The following BIRC3 variants were observed in gnomAD, a reference collection of about 807,000 sequenced individuals.
BIRC3 encodes baculoviral IAP repeat-containing protein 3.
A neutral mutation model predicts 59.0 loss-of-function variants in BIRC3; 26 were observed. That is an observed-to-expected ratio of 0.44 (90% CI 0.32 to 0.61). BIRC3 has a LOEUF of 0.61. Ranked by LOEUF, BIRC3 falls within the 20% of genes least tolerant of loss-of-function variation. The pLI is 0.04. For missense variants in BIRC3, 641 were observed against 711.5 expected, an observed-to-expected ratio of 0.90 and a Z score of 1.13; for synonymous variants, 243 against 249.2, an observed-to-expected ratio of 0.98 and a Z score of 0.24.
chr11:102,331,834 T>A (rs572488349), intron 6 of BIRC3, among the ~76,000 whole-genome samples: 2 of 152,182 alleles, frequency 1.3e-5, no homozygotes, highest in South Asian at 4.1e-4. Flanking sequence ...AGAGAAGGGA[T>A]TTCTCCATGT....
rs967712373 is a variant in BIRC3, at chr11:102,337,503, G to T, written c.*401G>T. On this transcript the variant is annotated 3_prime_UTR_variant, in exon 9 of 9. Transcript: ENST00000263464. ...CCTGTAGTCCCAGGCTGAGGCAAGA[G>T]AATTACTTGAGCCCAGGAGTTTGAA... is the stretch of plus-strand genomic sequence containing the variant. 2.5e-6 allele frequency: 1 copy of T among 393,620 alleles called. No individual in the cohort carries two copies. The highest frequency in any genetic ancestry group is 4.5e-6 in the Non-Finnish European group (1 of 223,062). The allele number at this position is 393,620 out of a possible 1,614,324, so 24.4% of individuals were successfully genotyped here. A position where few individuals can be genotyped will look rare whatever the true frequency, so the allele number is the denominator to read the frequency against.
chr11:102,318,659 C>T (rs1368439674), intron 1 of BIRC3, among the ~76,000 whole-genome samples: 2 of 152,132 alleles, frequency 1.3e-5, no homozygotes, highest in Non-Finnish European at 2.9e-5. Context: ...TGCCCAACAG[C>T]CCTGGGACTG....
intron 6 of BIRC3, among the ~76,000 whole-genome samples, 198 bp downstream of exon 6, chr11:102,331,439 G>C (rs17769668): frequency 0.038 from 5,784 of 152,116 alleles, 158 homozygotes; most frequent in Non-Finnish European, 0.061. Context: ...AGTCAAAAAT[G>C]TATGATGTAC....
chr11:102,335,918 T>C (rs1951190642), intron 6 of BIRC3, 48 bp from the exon 7 acceptor site: 1 of 1,552,032 alleles, frequency 6.4e-7, no homozygotes, highest in Non-Finnish European at 8.7e-7. Flanking sequence ...GAAGGAAGTT[T>C]GTGAGCAGAG....
chr11:102,337,258 T>C lies in BIRC3; in HGVS notation c.*156T>C. The stretch of plus-strand genomic sequence containing the variant: ...CATATTTATATATGTATCTAAACCA[T>C]ATGAACATATATTTTTTAGAAACTA... On this transcript the variant is annotated 3_prime_UTR_variant, in exon 9 of 9. Transcript: ENST00000263464. 2.1e-6 allele frequency: 1 copy of C among 479,762 alleles called. No individual in the cohort carries two copies. Among genetic ancestry groups the C allele is most frequent in the Non-Finnish European group, 3.4e-6 (1 of 297,452 alleles). The allele number at this position is 479,762 out of a possible 1,614,324, so 29.7% of individuals were successfully genotyped here.
At chr11:102,328,444 A>G (rs1379920120) in intron 4 of BIRC3, among the ~76,000 whole-genome samples, 2 of 152,124 alleles carry the variant, frequency 1.3e-5, no homozygotes, top group Non-Finnish European at 2.9e-5. Context: ...AGATCTGAGA[A>G]AGAGAATTTT....
chr11:102,323,681 T>C lies in BIRC3; in HGVS notation c.-829T>C, dbSNP rs1951053844. 2 of 197,474 alleles carry C rather than the reference T, an allele frequency of 1.0e-5. No homozygotes were observed. The highest frequency in any genetic ancestry group is 2.3e-5 in the African/African-American group (1 of 43,354). The allele number at this position is 197,474 out of a possible 1,614,324, so 12.2% of individuals were successfully genotyped here. A position where few individuals can be genotyped will look rare whatever the true frequency, so the allele number is the denominator to read the frequency against. On this transcript the variant is annotated 5_prime_UTR_variant, in exon 2 of 9. Coordinates refer to ENST00000263464, the MANE Select transcript of BIRC3 (RefSeq NM_001165.5). ...CAGTCCTGTTACTAGTAAATCTCTT[T>C]ATTTGGAGAGAAATTTTAGATTGTT... is the stretch of plus-strand genomic sequence containing the variant.
rs762000514 is a variant in BIRC3, at chr11:102,328,880, A to AT, written c.1033-7dup. ...AATTTATATATATATATATATATAT[A>AT]TTTTTTTTTTCTGCAGCTGCTATCC... On this transcript the variant is annotated splice_polypyrimidine_tract_variant and intron_variant, in intron 4 of 8. Coordinates refer to ENST00000263464, the MANE Select transcript of BIRC3 (RefSeq NM_001165.5). 4.2e-3 allele frequency: 1,774 copies of AT among 422,046 alleles called. 1 individual carries two copies. The highest frequency in any genetic ancestry group is 6.6e-3 in the South Asian group (75 of 11,396). 26.1% of individuals were successfully genotyped at this position (422,046 alleles called of 1,614,324 possible).
intron 5 of BIRC3, among the ~76,000 whole-genome samples, chr11:102,329,642 A>G (rs1314344456): frequency 6.6e-6 from 1 of 152,220 alleles, no homozygotes; most frequent in South Asian, 2.1e-4. Context: ...TTATAGGGAC[A>G]TGGATGAAGC....
At chr11:102,318,991 A>C (rs532356776) in intron 1 of BIRC3, among the ~76,000 whole-genome samples, 1 of 152,090 alleles carries the variant, frequency 6.6e-6, no homozygotes, top group East Asian at 1.9e-4. Flanking sequence ...GGCTGTGAAG[A>C]GAAGGGGTGA....
chr11:102,317,963 T>A, intron 1 of BIRC3, among the ~76,000 whole-genome samples: 1 of 152,274 alleles, frequency 6.6e-6, no homozygotes, highest in East Asian at 1.9e-4. Context: ...AATGAGCAAA[T>A]GGACGCATGT....
Position 102,325,208 on chromosome 11 carries a change from A to T in BIRC3, c.699A>T (p.Pro233=), listed in dbSNP as rs774216522. Residue 233 remains proline, a synonymous_variant, in exon 2 of 9, where the codon CCA becomes CCT. Coordinates refer to ENST00000263464, the MANE Select transcript of BIRC3 (RefSeq NM_001165.5). ...SEHLRHFPKC[P]FIENQLQDTS... ...ACCTGAGACATTTTCCCAAATGCCC[A>T]TTTATAGAAAATCAGCTTCAAGACA... The T allele has an allele frequency of 1.1e-5, 17 of 1,614,032 alleles. No individual in the cohort carries two copies. Among genetic ancestry groups the T allele is most frequent in the Admixed American group, 1.7e-5 (1 of 60,000 alleles).
In BIRC3 at chr11:102,337,240, A is replaced by T. The variant is rs1043033558; in HGVS notation, c.*138A>T. 1.2e-5 allele frequency: 7 copies of T among 595,336 alleles called. No homozygotes were observed. Among genetic ancestry groups the T allele is most frequent in the Non-Finnish European group, 1.8e-5 (7 of 383,992 alleles). 36.9% of individuals were successfully genotyped at this position (595,336 alleles called of 1,614,324 possible). A position where few individuals can be genotyped will look rare whatever the true frequency, so the allele number is the denominator to read the frequency against. ...AAACATTGTTTTGTGTAACATATTT[A>T]TATATGTATCTAAACCATATGAACA... is the stretch of plus-strand genomic sequence containing the variant. On this transcript the variant is annotated 3_prime_UTR_variant, in exon 9 of 9. Transcript: ENST00000263464.
intron 1 of BIRC3, among the ~76,000 whole-genome samples, chr11:102,318,135 T>C (rs186550819): frequency 6.6e-6 from 1 of 152,354 alleles, no homozygotes; most frequent in African/African-American, 2.4e-5. Flanking sequence ...CTATTATTTA[T>C]TGCTAACATT....
At chr11:102,327,063 C>T (rs1020089238) in intron 3 of BIRC3, among the ~76,000 whole-genome samples, 1 of 152,146 alleles carries the variant, frequency 6.6e-6, no homozygotes, top group Non-Finnish European at 1.5e-5. Context: ...GACTGAGGGG[C>T]TCCTGACCCT....
intron 7 of BIRC3, 103 bp from the exon 8 acceptor site, chr11:102,336,657 T>G: frequency 9.4e-7 from 1 of 1,061,236 alleles, no homozygotes; most frequent in Non-Finnish European, 1.4e-6. Flanking sequence ...TGCCTTGAAA[T>G]GAGTATTTGG....
At chr11:102,319,136 C>T (rs1461817629) in intron 1 of BIRC3, among the ~76,000 whole-genome samples, 4 of 151,480 alleles carry the variant, frequency 2.6e-5, no homozygotes, top group African/African-American at 9.7e-5. Context: ...CTCCACCTCC[C>T]GGGTTCAAGC....
intron 3 of BIRC3, 78 bp from the exon 4 acceptor site, chr11:102,327,974 G>T (rs1951101835): frequency 8.9e-7 from 1 of 1,120,152 alleles, no homozygotes; most frequent in Middle Eastern, 2.7e-4. Flanking sequence ...AACACCTAGA[G>T]ATGAGAAATT....
Position 102,338,155 on chromosome 11 carries a change from T to C in BIRC3, c.*1053T>C. Reference sequence around the variant, plus strand: ...TGCAACAAAATGTCCCCCTCTGCATTATGTTATTGGTACTCAACACGTCCG... The same window carrying C: ...TGCAACAAAATGTCCCCCTCTGCATCATGTTATTGGTACTCAACACGTCCG... On this transcript the variant is annotated 3_prime_UTR_variant, in exon 9 of 9. Coordinates refer to ENST00000263464, the MANE Select transcript of BIRC3 (RefSeq NM_001165.5). 4.4e-6 allele frequency: 1 copy of C among 228,638 alleles called. No individual in the cohort carries two copies. Among genetic ancestry groups the C allele is most frequent in the Non-Finnish European group, 8.7e-6 (1 of 115,212 alleles). The allele number at this position is 228,638 out of a possible 1,614,324, so 14.2% of individuals were successfully genotyped here. A position where few individuals can be genotyped will look rare whatever the true frequency, so the allele number is the denominator to read the frequency against.
Sources: allele counts gnomAD v4.1 joint callset (sites outside exome capture counted in the v4.1 genomes callset), GRCh38; gene constraint gnomAD v4.1.1; transcripts MANE v1.5; gene names NCBI Gene and HGNC (gene_info 2026-07-23, HGNC 2026-07-21).